The following SLC22A23 variants were observed in gnomAD, a reference collection of about 807,000 sequenced individuals.
The protein encoded by SLC22A23 is solute carrier family 22 member 23, also known as ion transporter protein.
Under a neutral mutation model 61.0 loss-of-function variants are expected in SLC22A23, and 26 were observed. The observed-to-expected ratio is 0.43, with a 90% CI of 0.31 to 0.59. The LOEUF (loss-of-function observed/expected upper bound fraction) is 0.59. Among genes scored for constraint, SLC22A23 ranks in the 20% least tolerant of loss-of-function variants. The probability of loss-of-function intolerance (pLI) is 0.11; values close to 1 mark genes in which losing one functional copy is unlikely to be tolerated. For synonymous variants in SLC22A23, 430 were observed against 413.9 expected (o/e 1.04, Z -0.47); for missense variants, 796 against 934.7 (o/e 0.85, Z 1.94).
At chr6:3,278,090 C>G (rs1050044511) in intron 9 of SLC22A23, among the ~76,000 whole-genome samples, 1 of 152,218 alleles carries the variant, frequency 6.6e-6, no homozygotes, top group Non-Finnish European at 1.5e-5. Context: ...GAGGACCCAG[C>G]CAGGCCGTGC....
rs1767345455 is a variant in SLC22A23, at chr6:3,386,862, CGGCACCCCAGGGCGGGGCA to C, written c.913+23307_913+23325del. Among the ~76,000 whole-genome samples the C allele has an allele frequency of 6.6e-6, 1 of 152,174 alleles. No individual in the cohort carries two copies. Among genetic ancestry groups the C allele is most frequent in the East Asian group, 1.9e-4 (1 of 5,192 alleles). On this transcript the variant is annotated intron_variant, in intron 3 of 9. Transcript: ENST00000406686. The surrounding 1 kb of genome is among the most constrained non-coding windows in gnomAD (Gnocchi z 4.4). Reference sequence around the variant, plus strand: ...GAACAAGGACTTGCTTCCACAGGGCCGGCACCCCAGGGCGGGGCAGGCACCCCAGGGTGCAGCAGGCCTT... The same window carrying C: ...GAACAAGGACTTGCTTCCACAGGGCCGGCACCCCAGGGTGCAGCAGGCCTT...
intron 3 of SLC22A23, among the ~76,000 whole-genome samples, chr6:3,394,227 T>C (rs913981470): frequency 4.6e-5 from 7 of 152,116 alleles, no homozygotes; most frequent in African/African-American, 1.2e-4. Flanking sequence ...GTGCATTCTG[T>C]AATTCAATTA....
chr6:3,295,515 T>C (rs1761008687), intron 5 of SLC22A23, among the ~76,000 whole-genome samples: 1 of 152,076 alleles, frequency 6.6e-6, no homozygotes, highest in Non-Finnish European at 1.5e-5. Context: ...TGTGATCAGA[T>C]CATGTGTGAC....
chr6:3,431,066 CAAAAAAAA>C (rs751754256), intron 1 of SLC22A23, among the ~76,000 whole-genome samples: 10 of 129,458 alleles, frequency 7.7e-5, no homozygotes, highest in Admixed American at 6.3e-4. Flanking sequence ...AACTCCGTCT[CAAAAAAAA>C]AAAAAAAAAA....
intron 3 of SLC22A23, among the ~76,000 whole-genome samples, chr6:3,347,221 A>G (rs538068203): frequency 3.5e-4 from 53 of 152,316 alleles, no homozygotes; most frequent in African/African-American, 1.2e-3. Context: ...CGGGACATTC[A>G]GCAGCTTCCT....
At chr6:3,279,766 A>C (rs909746982) in intron 9 of SLC22A23, among the ~76,000 whole-genome samples, 2 of 152,100 alleles carry the variant, frequency 1.3e-5, no homozygotes, top group African/African-American at 4.8e-5. Flanking sequence ...TTTAGAAGTC[A>C]GAGCTGCTTG....
Position 3,330,126 on chromosome 6 carries a change from C to T in SLC22A23, c.914-6124G>A, listed in dbSNP as rs1269979871. Among the ~76,000 whole-genome samples, 1 of 152,240 alleles carries T rather than the reference C, an allele frequency of 6.6e-6. No homozygotes were observed. Among genetic ancestry groups the T allele is most frequent in the Admixed American group, 6.5e-5 (1 of 15,288 alleles). ...GATTCAAAGAGGCCACTTCTCCAAA[C>T]CCGCTGTCCTTACAAGTGGATCACC... On this transcript the variant is annotated intron_variant, in intron 3 of 9. Transcript: ENST00000406686. The surrounding 1 kb of genome is among the most constrained non-coding windows in gnomAD (Gnocchi z 4.7).
Position 3,415,917 on chromosome 6 carries a change from A to C in SLC22A23, c.655-62T>G. ...ACATACACAGAGCTAGTCGTACTCA[A>C]TTATAAGGGCAATACAATAACCCTG... On this transcript the variant is annotated intron_variant, in intron 1 of 9. Transcript: ENST00000406686. The C allele has an allele frequency of 2.4e-6, 3 of 1,254,168 alleles. No homozygotes were observed. The Admixed American group carries it at 6.0e-5, about 25-fold the overall frequency. 77.7% of individuals were successfully genotyped at this position (1,254,168 alleles called of 1,614,324 possible).
chr6:3,276,424 C>A (rs1396314415), intron 9 of SLC22A23, among the ~76,000 whole-genome samples: 1 of 152,226 alleles, frequency 6.6e-6, no homozygotes, highest in Non-Finnish European at 1.5e-5. Flanking sequence ...TTCTGCACCC[C>A]CTAGACTTTG....
In SLC22A23 at chr6:3,322,937, A is replaced by G. The variant is rs527248557; in HGVS notation, c.1082+897T>C. On this transcript the variant is annotated intron_variant, in intron 4 of 9. Coordinates refer to ENST00000406686, the MANE Select transcript of SLC22A23 (RefSeq NM_015482.2). The surrounding 1 kb of genome is among the most constrained non-coding windows in gnomAD (Gnocchi z 4.1). ...TCAGCATGGAGAGGGATGGGAAGGAAGGGAAAGGATGAAAAACAGCATTTA... is the reference window on the plus strand; with the variant it reads ...TCAGCATGGAGAGGGATGGGAAGGAGGGGAAAGGATGAAAAACAGCATTTA... Among the ~76,000 whole-genome samples, 2 of 152,328 alleles carry G rather than the reference A, an allele frequency of 1.3e-5. No homozygotes were observed. The highest frequency in any genetic ancestry group is 2.9e-5 in the Non-Finnish European group (2 of 68,020).
Position 3,310,347 on chromosome 6 carries a change from AGGG to A in SLC22A23, c.1083-12132_1083-12130del, listed in dbSNP as rs1762295725. Among the ~76,000 whole-genome samples the A allele has an allele frequency of 6.2e-5, 4 of 64,576 alleles. 2 individuals carry two copies. The highest frequency in any genetic ancestry group is 9.0e-4 in the South Asian group (2 of 2,226). 42.4% of individuals were successfully genotyped at this position (64,576 alleles called of 152,430 possible). A position where few individuals can be genotyped will look rare whatever the true frequency, so the allele number is the denominator to read the frequency against. The stretch of plus-strand genomic sequence containing the variant: ...CTCCCACTCGAGCACCCTGTCTCCC[AGGG>A]AGCACCCTGTCTCCCACTCGAGCAC... On this transcript the variant is annotated intron_variant, in intron 4 of 9. Coordinates refer to ENST00000406686, the MANE Select transcript of SLC22A23 (RefSeq NM_015482.2).
chr6:3,369,218 C>T (rs181078797), intron 3 of SLC22A23, among the ~76,000 whole-genome samples: 7 of 152,108 alleles, frequency 4.6e-5, no homozygotes, highest in South Asian at 4.1e-4. Flanking sequence ...GTCCCCTGCT[C>T]GCCCAGTTAA....
At position 3,360,262 on chromosome 6, in the gene SLC22A23, CTA is replaced by C. The variant is rs1396236468; in HGVS notation, c.914-36262_914-36261del. 6.6e-6 allele frequency among the ~76,000 whole-genome samples: 1 copy of C among 152,140 alleles called. No homozygotes were observed. Among genetic ancestry groups the C allele is most frequent in the Non-Finnish European group, 1.5e-5 (1 of 68,030 alleles). On this transcript the variant is annotated intron_variant, in intron 3 of 9. Transcript: ENST00000406686. This position sits in a 1 kb window ranked among gnomAD's most constrained non-coding sequence, Gnocchi z 4.6. ...AGTAGTTAAAATGGTAATTTTTATGCTATGTTTATTTTACCATGATAAAACAA... is the reference window on the plus strand; with the variant it reads ...AGTAGTTAAAATGGTAATTTTTATGCTGTTTATTTTACCATGATAAAACAA...
At chr6:3,349,803 C>T (rs1279467592) in intron 3 of SLC22A23, among the ~76,000 whole-genome samples, 1 of 152,210 alleles carries the variant, frequency 6.6e-6, no homozygotes, top group African/African-American at 2.4e-5. Context: ...ATGAAGTGGG[C>T]AGTGCCTCAA....
rs372963112 is a variant in SLC22A23, at chr6:3,273,075, T to C, written c.2041A>G (p.Asn681Asp). ...GDTLPEGATANGMKAM is the reference protein window; with the variant it reads ...GDTLPEGATADGMKAM ...CCGGGCTACATGGCCTTCATGCCGTTGGCCGTGGCACCCTCGGGCAGTGTG... is the reference window on the plus strand; with the variant it reads ...CCGGGCTACATGGCCTTCATGCCGTCGGCCGTGGCACCCTCGGGCAGTGTG... The change falls in exon 10 of 10, where the codon AAC (asparagine) becomes GAC (aspartate). Residue 681 changes from asparagine to aspartate, a missense_variant. Coordinates refer to ENST00000406686, the MANE Select transcript of SLC22A23 (RefSeq NM_015482.2). 24 of 1,572,554 alleles carry C rather than the reference T, an allele frequency of 1.5e-5. No homozygotes were observed. The highest frequency in any genetic ancestry group is 8.6e-6 in the Non-Finnish European group (10 of 1,160,532).
chr6:3,310,341 T>C (rs1581668539), intron 4 of SLC22A23, among the ~76,000 whole-genome samples: 2 of 71,856 alleles, frequency 2.8e-5, no homozygotes, highest in African/African-American at 5.5e-5. Context: ...GAGCACCCTG[T>C]CTCCCAGGGA....
In SLC22A23 at chr6:3,309,416, A is replaced by G. The variant is rs1762215021; in HGVS notation, c.1083-11198T>C. 6.6e-6 allele frequency among the ~76,000 whole-genome samples: 1 copy of G among 152,234 alleles called. No individual in the cohort carries two copies. The highest frequency in any genetic ancestry group is 2.4e-5 in the African/African-American group (1 of 41,464). On this transcript the variant is annotated intron_variant, in intron 4 of 9. Coordinates refer to ENST00000406686, the MANE Select transcript of SLC22A23 (RefSeq NM_015482.2). This position sits in a 1 kb window ranked among gnomAD's most constrained non-coding sequence, Gnocchi z 4.7. ...CTGAAAACACAGACTTGCTTCACAG[A>G]GGCGCGCCCAGGGTCTTCAGACAAC...
intron 9 of SLC22A23, among the ~76,000 whole-genome samples, chr6:3,282,659 T>C (rs1186185359): frequency 6.6e-6 from 1 of 152,224 alleles, no homozygotes; most frequent in Non-Finnish European, 1.5e-5. Flanking sequence ...CTGCCATTAC[T>C]CTCAAGTTCT....
chr6:3,349,943 G>A (rs1434373685), intron 3 of SLC22A23, among the ~76,000 whole-genome samples: 2 of 152,154 alleles, frequency 1.3e-5, no homozygotes, highest in African/African-American at 2.4e-5. Context: ...AGATGATCAC[G>A]GTCGCCTTCA....
Sources: allele counts gnomAD v4.1 joint callset (sites outside exome capture counted in the v4.1 genomes callset), GRCh38; gene constraint gnomAD v4.1.1; non-coding constraint Gnocchi (gnomAD v3.1); transcripts MANE v1.5; gene names NCBI Gene and HGNC (gene_info 2026-07-23, HGNC 2026-07-21).